The following MCF2L variants were observed in gnomAD, a reference collection of about 807,000 sequenced individuals.
The protein encoded by MCF2L is MCF.2 cell line derived transforming sequence like.
A neutral mutation model predicts 153.4 loss-of-function variants in MCF2L; 97 were observed. The observed-to-expected ratio is 0.63, with a 90% CI of 0.54 to 0.75. The LOEUF (loss-of-function observed/expected upper bound fraction) is 0.75. MCF2L is among the 30% of genes least tolerant of loss of function. The pLI is 0.00. For synonymous variants in MCF2L, 659 were observed against 632.2 expected (o/e 1.04, Z -0.64); for missense variants, 1,347 against 1,495.2 (o/e 0.90, Z 1.64).
rs772499299 is a variant in MCF2L at position 113,060,749 on chromosome 13, C to T, written c.489+37C>T. 21 of 1,607,028 alleles carry T rather than the reference C, an allele frequency of 1.3e-5. No homozygotes were observed. In the Admixed American group the frequency reaches 2.5e-4, roughly 19 times the overall value. ...CCGCCTCCATCCTGCGGTAGCAGAA[C>T]GGAACTCATTGCCGTCCTGGCCCAT... On this transcript the variant is annotated intron_variant, in intron 5 of 29. Coordinates refer to ENST00000535094, the MANE Select transcript of MCF2L (RefSeq NM_001112732.3).
chr13:112,982,862 A>G (rs1277850317), intron 1 of MCF2L, among the ~76,000 whole-genome samples: 4 of 151,946 alleles, frequency 2.6e-5, no homozygotes, highest in Non-Finnish European at 5.9e-5. Context: ...GAAATTGCAG[A>G]GAACAAGGGC....
intron 1 of MCF2L, among the ~76,000 whole-genome samples, chr13:112,894,861 CAGGACAGCGCCT>C: frequency 6.6e-6 from 1 of 151,758 alleles, no homozygotes; most frequent in Non-Finnish European, 1.5e-5. Flanking sequence ...GGCCAGTGTC[CAGGACAGCGCCT>C]AGGGACAGGG....
In MCF2L at chr13:113,087,758, G is replaced by C. The variant is rs1317635526; in HGVS notation, c.2647G>C (p.Glu883Gln). Residue 883 changes from glutamate to glutamine, a missense_variant, in exon 23 of 30, where the codon GAG becomes CAG. Transcript: ENST00000535094. ...ENVKGDAKKF[E>Q]IWYNAREEVY... ...CGTGAAGGGAGATGCTAAGAAGTTC[G>C]AGATCTGGTACAACGCGCGCGAGGA... The C allele has an allele frequency of 1.2e-6, 2 of 1,614,144 alleles. No homozygotes were observed. Among genetic ancestry groups the C allele is most frequent in the Admixed American group, 3.3e-5 (2 of 60,036 alleles).
Position 113,094,575 on chromosome 13 carries a change from A to T in MCF2L, c.3015A>T (p.Ala1005=). The T allele has an allele frequency of 6.2e-7, 1 of 1,612,656 alleles. No homozygotes were observed. Among genetic ancestry groups the T allele is most frequent in the Non-Finnish European group, 8.5e-7 (1 of 1,179,734 alleles). Residue 1005 remains alanine, a synonymous_variant, in exon 27 of 30, where the codon GCA becomes GCT. Coordinates refer to ENST00000535094, the MANE Select transcript of MCF2L (RefSeq NM_001112732.3). The stretch of plus-strand genomic sequence containing the variant: ...AGGACGACGGGGGCTGGTCAAGTGC[A>T]GAGGAGCAGATTAACTCGTCCGACG... The part of the protein sequence containing the change: ...APEDDGGWSS[A]EEQINSSDAE...
chr13:112,945,515 T>G (rs1406825810), intron 2 of MCF2L, among the ~76,000 whole-genome samples: 1 of 152,266 alleles, frequency 6.6e-6, no homozygotes, highest in East Asian at 1.9e-4. Context: ...TTCACTATCT[T>G]TGGGATCTTT....
At chr13:113,094,712 C>A in intron 27 of MCF2L, 77 bp downstream of exon 27, 1 of 1,526,642 alleles carries the variant, frequency 6.6e-7, no homozygotes, top group Non-Finnish European at 8.8e-7. Context: ...GCAGGTCCAC[C>A]CAGGCTTGGG....
At chr13:112,997,234 A>C (rs1184596586) in intron 1 of MCF2L, among the ~76,000 whole-genome samples, 3 of 152,138 alleles carry the variant, frequency 2.0e-5, no homozygotes, top group Non-Finnish European at 4.4e-5. Flanking sequence ...CCAGGAAAAC[A>C]CACTGCCCTC....
At chr13:112,913,203 ATC>A (rs547131810) in intron 2 of MCF2L, among the ~76,000 whole-genome samples, 1 of 122,914 alleles carries the variant, frequency 8.1e-6, no homozygotes, top group South Asian at 2.6e-4. Flanking sequence ...TGTCTGGTGT[ATC>A]TCTGTATGTA....
At chr13:112,979,286 C>A (rs987343916) in intron 1 of MCF2L, 1 of 1,121,164 alleles carries the variant, frequency 8.9e-7, no homozygotes, top group African/African-American at 1.7e-5. Context: ...CGCAAGCCCC[C>A]GCCCTGTTCG....
In MCF2L at chr13:112,993,866, G is replaced by A. The variant is rs925916147; in HGVS notation, c.80-20897G>A. Among the ~76,000 whole-genome samples, 19 of 152,030 alleles carry A rather than the reference G, an allele frequency of 1.2e-4. No individual in the cohort carries two copies. Among genetic ancestry groups the A allele is most frequent in the Non-Finnish European group, 7.4e-5 (5 of 68,010 alleles). On this transcript the variant is annotated intron_variant, in intron 1 of 29. Coordinates refer to ENST00000535094, the MANE Select transcript of MCF2L (RefSeq NM_001112732.3). This position sits in a 1 kb window ranked among gnomAD's most constrained non-coding sequence, Gnocchi z 4.6. ...GACGTGTTTGCCTCCTGGGTGGGTA[G>A]GATTTTCCCCTCCCTTAGATCGGAA...
intron 3 of MCF2L, among the ~76,000 whole-genome samples, chr13:113,030,644 G>A (rs2085626643): frequency 6.6e-6 from 1 of 152,206 alleles, no homozygotes; most frequent in Non-Finnish European, 1.5e-5. Context: ...TGCCGACACA[G>A]GTGTGGGCCC....
intron 2 of MCF2L, among the ~76,000 whole-genome samples, chr13:112,914,871 CT>C (rs888314835): frequency 4.4e-4 from 65 of 146,956 alleles, no homozygotes; most frequent in Middle Eastern, 3.5e-3. Flanking sequence ...CTTGACTTTC[CT>C]TTTTTTTTTT....
At chr13:112,926,014 A>ATATC (rs2081398357) in intron 2 of MCF2L, among the ~76,000 whole-genome samples, 2 of 152,256 alleles carry the variant, frequency 1.3e-5, no homozygotes, top group Admixed American at 6.5e-5. Context: ...AAATCTAGAG[A>ATATC]TATCAACCAG....
rs2081188936 is a variant in MCF2L, at chr13:112,907,925, A to G, written c.169+5554A>G. 6.6e-6 allele frequency among the ~76,000 whole-genome samples: 1 copy of G among 152,188 alleles called. No homozygotes were observed. The highest frequency in any genetic ancestry group is 1.5e-5 in the Non-Finnish European group (1 of 68,040). On this transcript the variant is annotated intron_variant, in intron 2 of 29. Transcript: ENST00000375608. This position sits in a 1 kb window ranked among gnomAD's most constrained non-coding sequence, Gnocchi z 5.1. ...CGAGTGAGACGGCCTCTGAAGATGA[A>G]CATGTTGTTTGTGGAAATGGTACTT...
chr13:113,080,171 G>A (rs1442140423), intron 15 of MCF2L, among the ~76,000 whole-genome samples: 3 of 106,874 alleles, frequency 2.8e-5, no homozygotes, highest in East Asian at 2.8e-4. Flanking sequence ...GAGTCCATAC[G>A]GAAGAGGGTC....
intron 11 of MCF2L, among the ~76,000 whole-genome samples, chr13:113,075,581 C>CA (rs539584628): frequency 5.3e-5 from 8 of 152,134 alleles, no homozygotes; most frequent in Non-Finnish European, 1.2e-4. Context: ...GTGATCCTCT[C>CA]ACCTTCACCT....
chr13:112,995,339 G>C (rs2083080316), intron 1 of MCF2L, among the ~76,000 whole-genome samples: 2 of 152,260 alleles, frequency 1.3e-5, no homozygotes, highest in African/African-American at 2.4e-5. Context: ...AAGAAGGAAA[G>C]AGGGTCCATT....
intron 12 of MCF2L, among the ~76,000 whole-genome samples, chr13:113,076,374 C>T (rs370434490): frequency 4.6e-5 from 7 of 152,166 alleles, no homozygotes; most frequent in Admixed American, 3.3e-4. Context: ...AAGCAATTCT[C>T]CTGCCTCAGC....
intron 1 of MCF2L, among the ~76,000 whole-genome samples, chr13:112,896,128 A>C (rs2081065558): frequency 6.6e-6 from 1 of 152,140 alleles, no homozygotes; most frequent in African/African-American, 2.4e-5. Context: ...CACTGTGCTG[A>C]CTTCAGGGCC....
Sources: allele counts gnomAD v4.1 joint callset (sites outside exome capture counted in the v4.1 genomes callset), GRCh38; gene constraint gnomAD v4.1.1; non-coding constraint Gnocchi (gnomAD v3.1); transcripts MANE v1.5; gene names NCBI Gene and HGNC (gene_info 2026-07-23, HGNC 2026-07-21).